The following BDH2 variants were observed in gnomAD, a reference collection of about 807,000 sequenced individuals.
BDH2 encodes dehydrogenase/reductase SDR family member 6.
A neutral mutation model predicts 33.2 loss-of-function variants in BDH2; 24 were observed. The ratio of observed to expected loss-of-function variants is 0.72; its 90% CI spans 0.52 to 1.02. BDH2 has a LOEUF of 1.02. BDH2 is among the 50% of genes least tolerant of loss of function. The pLI, the probability that BDH2 is intolerant of heterozygous loss-of-function variation, is 0.00. For synonymous variants in BDH2, 81 were observed against 101.6 expected, an observed-to-expected ratio of 0.80 and a Z score of 1.22; for missense variants, 249 against 301.6, an observed-to-expected ratio of 0.83 and a Z score of 1.29.
chr4:103,086,989 A>G (rs200711588), intron 5 of BDH2, among the ~76,000 whole-genome samples: 2 of 152,314 alleles, frequency 1.3e-5, no homozygotes, highest in East Asian at 3.9e-4. Flanking sequence ...AGTGGCTCAC[A>G]TAATCCACAT....
At chr4:103,085,571 C>T in intron 6 of BDH2, 109 bp from the exon 7 acceptor site, 4 of 1,417,712 alleles carry the variant, frequency 2.8e-6, no homozygotes, top group Non-Finnish European at 3.8e-6. Flanking sequence ...CTTTCTCCCA[C>T]ATTCCTCCCC....
In BDH2 at chr4:103,090,256, C is replaced by A. The variant is rs185067251; in HGVS notation, c.357+921G>T. On this transcript the variant is annotated intron_variant, in intron 5 of 9. Coordinates refer to ENST00000296424, the MANE Select transcript of BDH2 (RefSeq NM_020139.4). ...CATTTGAAATCAGGGATGTACGCTG[C>A]TCATGTTTATACTCCCCTAGAACAC... 2.0e-5 allele frequency among the ~76,000 whole-genome samples: 3 copies of A among 152,302 alleles called. No homozygotes were observed. The East Asian group carries it at 5.8e-4, about 29-fold the overall frequency.
At chr4:103,082,773 C>A (rs191505987) in intron 8 of BDH2, 98 bp downstream of exon 8, 1 of 1,075,704 alleles carries the variant, frequency 9.3e-7, no homozygotes, top group Admixed American at 1.7e-5. Flanking sequence ...CTGGCAACTA[C>A]CATTTCACTT....
At chr4:103,097,227 A>G (rs1300020877) in intron 1 of BDH2, among the ~76,000 whole-genome samples, 9 of 152,070 alleles carry the variant, frequency 5.9e-5, no homozygotes, top group Admixed American at 6.5e-5. Flanking sequence ...AGACTTCCAG[A>G]CTCTTGCTAT....
intron 9 of BDH2, among the ~76,000 whole-genome samples, chr4:103,080,789 T>A (rs576824868): frequency 1.1e-4 from 17 of 152,358 alleles, no homozygotes; most frequent in African/African-American, 4.1e-4. Flanking sequence ...GTAATTTAGC[T>A]TATCAGCAGT....
chr4:103,079,790 A>G (rs774728447), intron 9 of BDH2, 35 bp from the exon 10 acceptor site: 40 of 1,594,328 alleles, frequency 2.5e-5, no homozygotes, highest in Non-Finnish European at 3.4e-5. Flanking sequence ...AGAACAATTA[A>G]CCAGGTTTGA....
Position 103,095,194 on chromosome 4 carries a change from G to C in BDH2, c.151+9C>G. ...CTGAATCCCAAATTCAAGCTGCTGAGTTGCTTACCCGGGTACTTTTCCAGT... is the reference window on the plus strand; with the variant it reads ...CTGAATCCCAAATTCAAGCTGCTGACTTGCTTACCCGGGTACTTTTCCAGT... On this transcript the variant is annotated intron_variant, in intron 3 of 9. Coordinates refer to ENST00000296424, the MANE Select transcript of BDH2 (RefSeq NM_020139.4). The C allele has an allele frequency of 2.5e-6, 4 of 1,612,046 alleles. No individual in the cohort carries two copies. The highest frequency in any genetic ancestry group is 3.4e-6 in the Non-Finnish European group (4 of 1,178,348).
At chr4:103,087,290 G>A (rs1165657811) in intron 5 of BDH2, among the ~76,000 whole-genome samples, 2 of 152,110 alleles carry the variant, frequency 1.3e-5, no homozygotes, top group Non-Finnish European at 2.9e-5. Flanking sequence ...TTTAGAACCT[G>A]GGTTTTACCC....
intron 9 of BDH2, 88 bp downstream of exon 9, chr4:103,081,993 A>G: frequency 5.6e-6 from 6 of 1,079,674 alleles, no homozygotes; most frequent in Non-Finnish European, 8.4e-6. Context: ...ATATGCCACA[A>G]ACTCTCTAAA....
At chr4:103,082,230 T>C in intron 8 of BDH2, 57 bp from the exon 9 acceptor site, 1 of 1,450,964 alleles carries the variant, frequency 6.9e-7, no homozygotes, top group Non-Finnish European at 9.7e-7. Flanking sequence ...TGTGCTCACC[T>C]GCATCTTGTT....
intron 5 of BDH2, among the ~76,000 whole-genome samples, chr4:103,090,540 G>A (rs988460841): frequency 5.3e-5 from 8 of 152,316 alleles, no homozygotes; most frequent in Non-Finnish European, 8.8e-5. Context: ...GGGGCTCAAC[G>A]TCCAGGCTTC....
At chr4:103,087,158 G>T (rs1334045101) in intron 5 of BDH2, among the ~76,000 whole-genome samples, 1 of 152,170 alleles carries the variant, frequency 6.6e-6, no homozygotes, top group East Asian at 1.9e-4. Context: ...AAAAGAAAAG[G>T]ATGTTTTGAG....
chr4:103,099,537 T>C (rs974997545), intron 1 of BDH2: 1 of 152,172 alleles, frequency 6.6e-6, no homozygotes, highest in African/African-American at 2.4e-5. Context: ...CAGGAAGCCA[T>C]TGTTTTCAAG....
rs141669921 is a variant in BDH2, at chr4:103,098,092, C to T, written c.-21+1691G>A. Among the ~76,000 whole-genome samples, 114 of 152,014 alleles carry T rather than the reference C, an allele frequency of 7.5e-4. 1 individual carries two copies. Among genetic ancestry groups the T allele is most frequent in the Middle Eastern group, 3.4e-3 (1 of 294 alleles). ...GGAAAGGGTGTGAAATGATCAGATT[C>T]GTATTTTGGAAGGACTGCTGTGGAG... is the stretch of plus-strand genomic sequence containing the variant. On this transcript the variant is annotated intron_variant, in intron 1 of 9. Transcript: ENST00000296424.
chr4:103,083,407 C>A (rs543546706), intron 7 of BDH2, among the ~76,000 whole-genome samples: 1 of 152,286 alleles, frequency 6.6e-6, no homozygotes, highest in South Asian at 2.1e-4. Context: ...CCCATGGCTA[C>A]CATAGTCCTT....
At chr4:103,094,803 G>A (rs1160576724) in intron 3 of BDH2, among the ~76,000 whole-genome samples, 2 of 151,774 alleles carry the variant, frequency 1.3e-5, no homozygotes, top group African/African-American at 4.8e-5. Flanking sequence ...TTTTAATGTG[G>A]ATACTAGAAA....
At chr4:103,081,435 C>T (rs771652556) in intron 9 of BDH2, among the ~76,000 whole-genome samples, 3 of 152,126 alleles carry the variant, frequency 2.0e-5, no homozygotes, top group Non-Finnish European at 4.4e-5. Context: ...GTAGCTGGGA[C>T]TACAGGCGCC....
At chr4:103,086,012 G>T (rs1747762102) in intron 6 of BDH2, 1 of 1,147,590 alleles carries the variant, frequency 8.7e-7, no homozygotes, top group Admixed American at 4.5e-5. Context: ...TCTTTGTGAA[G>T]CATTCCACAA....
At chr4:103,099,037 T>G (rs1173944203) in intron 1 of BDH2, 1 of 152,184 alleles carries the variant, frequency 6.6e-6, no homozygotes, top group Non-Finnish European at 1.5e-5. Context: ...CATGGAATGT[T>G]TATCATTTCA....
Sources: gnomAD v4.1 joint callset for allele counts (sites outside exome capture counted in the v4.1 genomes callset) on GRCh38, gnomAD v4.1.1 for gene constraint, MANE v1.5 for transcripts, NCBI Gene and HGNC (gene_info 2026-07-23, HGNC 2026-07-21) for gene names.